Variants in TTC34 observed in about 807,000 individuals in gnomAD.
TTC34 encodes the protein tetratricopeptide repeat domain 34.
A neutral mutation model predicts 40.7 loss-of-function variants in TTC34; 44 were observed. That is an observed-to-expected ratio of 1.08 (90% confidence interval 0.85 to 1.39). The LOEUF (loss-of-function observed/expected upper bound fraction) is 1.39, where lower values mean the gene tolerates loss of function less well. TTC34 is among the 40% of genes most tolerant of loss of function. TTC34 has a pLI of 0.00. For synonymous variants in TTC34, 422 were observed against 398.6 expected (o/e 1.06, Z -0.70); for missense variants, 884 against 838.0 (o/e 1.05, Z -0.68).
At chr1:2,765,799 C>G (rs1433915105) in intron 6 of TTC34, among the ~76,000 whole-genome samples, 3 of 19,562 alleles carry the variant, frequency 1.5e-4, no homozygotes, top group Non-Finnish European at 2.4e-4. Flanking sequence ...CCCACACCCC[C>G]GGGCGAGCAT....
At chr1:2,642,312 C>T (rs1638924181) in intron 8 of TTC34, among the ~76,000 whole-genome samples, 1 of 152,174 alleles carries the variant, frequency 6.6e-6, no homozygotes, top group Non-Finnish European at 1.5e-5. Context: ...CCGGCCTCCT[C>T]CCTCGGTCCC....
At position 2,645,464 on chromosome 1, in the gene TTC34, G is replaced by A; in HGVS notation, c.2326C>T (p.Gln776Ter). ...GCCCGGCAGTGGGAGTAGAGGCCCT[G>A]TGTGATGAGGGCCTGGGCTTCCGGC... The change falls in exon 7 of 9, where the codon CAG becomes TAG. Residue 776 changes from glutamine (Q) to a stop codon, truncating the protein, a stop_gained. Coordinates refer to ENST00000401095, the Ensembl canonical transcript of TTC34. LOFTEE classifies it high-confidence loss of function. The surrounding 1 kb of genome is among the most constrained non-coding windows in gnomAD (Gnocchi z 4.7). 1.3e-6 allele frequency: 2 copies of A among 1,534,818 alleles called. No homozygotes were observed. The highest frequency in any genetic ancestry group is 1.7e-6 in the Non-Finnish European group (2 of 1,146,424).
intron 6 of TTC34, among the ~76,000 whole-genome samples, chr1:2,647,794 G>T (rs1639050348): frequency 6.6e-6 from 1 of 152,270 alleles, no homozygotes; most frequent in South Asian, 2.1e-4. Flanking sequence ...AGCTCTCATC[G>T]TTTGAAACAG....
At chr1:2,649,433 A>G (rs943058632) in intron 6 of TTC34, among the ~76,000 whole-genome samples, 2 of 152,020 alleles carry the variant, frequency 1.3e-5, no homozygotes, top group African/African-American at 2.4e-5. Flanking sequence ...CTGGAACAGC[A>G]GTGCCCATAC....
chr1:2,645,208 A>AT lies in TTC34; in HGVS notation c.2497+84dup. On this transcript the variant is annotated intron_variant, in intron 7 of 8. Coordinates refer to ENST00000401095, the Ensembl canonical transcript of TTC34. This position sits in a 1 kb window ranked among gnomAD's most constrained non-coding sequence, Gnocchi z 4.7. ...GTTGTGGTCCGGGTCTCTTTCTTCC[A>AT]TTTTTACAGAACAGGATACAGAGGT... is the stretch of plus-strand genomic sequence containing the variant. 1 of 1,353,534 alleles carries AT rather than the reference A, an allele frequency of 7.4e-7. No homozygotes were observed. 83.8% of individuals were successfully genotyped at this position (1,353,534 alleles called of 1,614,324 possible). A position where few individuals can be genotyped will look rare whatever the true frequency, so the allele number is the denominator to read the frequency against.
intron 6 of TTC34, among the ~76,000 whole-genome samples, chr1:2,691,964 A>T (rs1215721419): frequency 1.3e-5 from 1 of 77,052 alleles, no homozygotes; most frequent in Admixed American, 1.5e-4. Flanking sequence ...AGCATCTGAC[A>T]GACTGGAACA....
intron 6 of TTC34, among the ~76,000 whole-genome samples, chr1:2,672,057 AGCAGCACCC>A: frequency 1.4e-5 from 2 of 144,806 alleles, no homozygotes; most frequent in Non-Finnish European, 1.6e-5. Context: ...GACCGCATGG[AGCAGCACCC>A]ACACCCCCAG....
chr1:2,685,026 C>T (rs1225782903), intron 6 of TTC34, among the ~76,000 whole-genome samples: 1 of 124,136 alleles, frequency 8.1e-6, no homozygotes, highest in Non-Finnish European at 1.7e-5. Flanking sequence ...CAGCATGTAA[C>T]AGCACCCACA....
At chr1:2,757,785 C>T (rs1641555354) in intron 6 of TTC34, among the ~76,000 whole-genome samples, 2 of 148,012 alleles carry the variant, frequency 1.4e-5, no homozygotes, top group African/African-American at 5.0e-5. Flanking sequence ...CGGAGCAGCA[C>T]CCACACCTTC....
chr1:2,755,757 T>G (rs1641483285), intron 6 of TTC34, among the ~76,000 whole-genome samples: 4 of 139,958 alleles, frequency 2.9e-5, no homozygotes, highest in Admixed American at 7.4e-5. Context: ...CAGGCGAGCA[T>G]CTGACAGCCT....
At chr1:2,797,523 A>C (rs1643720069) in intron 2 of TTC34, among the ~76,000 whole-genome samples, 1 of 152,160 alleles carries the variant, frequency 6.6e-6, no homozygotes, top group Admixed American at 6.5e-5. Context: ...GCCTAATGAC[A>C]TGAGGCTTGA....
Position 2,644,372 on chromosome 1 carries a change from GTC to G in TTC34, c.2602_2603del (p.Asp868ArgfsTer90). On this transcript the variant is annotated frameshift_variant, in exon 8 of 9. Coordinates refer to ENST00000401095, the Ensembl canonical transcript of TTC34. LOFTEE classifies it high-confidence loss of function. ...GCAGGTCCCTTGCAGCCCCTGGCAC[GTC>G]TCCCTTCTTGAGCTGGAGCAGGCCC... 1.3e-6 allele frequency: 2 copies of G among 1,535,964 alleles called. No individual in the cohort carries two copies. The highest frequency in any genetic ancestry group is 1.7e-4 in the Middle Eastern group (1 of 5,962).
At chr1:2,758,146 AC>A (rs1641567983) in intron 6 of TTC34, among the ~76,000 whole-genome samples, 4 of 55,246 alleles carry the variant, frequency 7.2e-5, no homozygotes, top group Non-Finnish European at 1.2e-4. Context: ...CTGGAGCAGC[AC>A]CCACATCCCC....
intron 6 of TTC34, among the ~76,000 whole-genome samples, chr1:2,694,548 C>T (rs1456142490): frequency 9.5e-6 from 1 of 105,734 alleles, no homozygotes; most frequent in Non-Finnish European, 2.0e-5. Flanking sequence ...TAGCACCCCA[C>T]ACCCACAGGT....
At chr1:2,652,513 C>T (rs1570753917) in intron 6 of TTC34, among the ~76,000 whole-genome samples, 287 of 66,392 alleles carry the variant, frequency 4.3e-3, no homozygotes, top group Middle Eastern at 0.021. Flanking sequence ...CGGCCTGCAA[C>T]AGCACCCACA....
intron 6 of TTC34, among the ~76,000 whole-genome samples, chr1:2,748,786 G>C (rs1223172142): frequency 6.9e-6 from 1 of 144,574 alleles, no homozygotes; most frequent in East Asian, 2.2e-4. Flanking sequence ...CGGCAGCCTG[G>C]AGCGGAACCC....
In TTC34 at chr1:2,645,421, G is replaced by A; in HGVS notation, c.2369C>T (p.Pro790Leu). Residue 790 changes from proline (P) to leucine (L), a missense_variant, in exon 7 of 9, where the codon CCA becomes CTA. Transcript: ENST00000401095. The surrounding 1 kb of genome is among the most constrained non-coding windows in gnomAD (Gnocchi z 4.7). Reference sequence around the variant, plus strand: ...GTCCTCGAGAGGGGCCCCAGTGTCTGGCAGCTGGCTCAGAAGGGCCCGGCA... The same window carrying A: ...GTCCTCGAGAGGGGCCCCAGTGTCTAGCAGCTGGCTCAGAAGGGCCCGGCA... 2 of 1,535,880 alleles carry A rather than the reference G, an allele frequency of 1.3e-6. No individual in the cohort carries two copies. The highest frequency in any genetic ancestry group is 1.7e-6 in the Non-Finnish European group (2 of 1,146,792).
intron 6 of TTC34, among the ~76,000 whole-genome samples, chr1:2,687,663 G>A (rs1240883401): frequency 6.6e-6 from 1 of 151,908 alleles, no homozygotes; most frequent in Non-Finnish European, 1.5e-5. Flanking sequence ...GTGAGCATCT[G>A]ACAGGCTGGA....
intron 2 of TTC34, among the ~76,000 whole-genome samples, chr1:2,793,577 G>C (rs1643684455): frequency 6.6e-6 from 1 of 152,134 alleles, no homozygotes; most frequent in South Asian, 2.1e-4. Context: ...GACATTCTCA[G>C]ATATTTTCTT....
Sources: allele counts gnomAD v4.1 joint callset (sites outside exome capture counted in the v4.1 genomes callset), GRCh38; gene constraint gnomAD v4.1.1; non-coding constraint Gnocchi (gnomAD v3.1); transcripts MANE v1.5; gene names NCBI Gene and HGNC (gene_info 2026-07-23, HGNC 2026-07-21).